Variants in GPC6 observed in about 807,000 individuals in gnomAD.
GPC6 encodes the protein glypican 6, also known as glypican-6.
Under a neutral mutation model 55.2 loss-of-function variants are expected in GPC6, and 14 were observed. The observed-to-expected ratio is 0.25, with a 90% confidence interval of 0.17 to 0.40. The LOEUF is 0.40. Ranked by LOEUF, GPC6 falls within the 10% of genes least tolerant of loss-of-function variation. The pLI, the probability that GPC6 is intolerant of heterozygous loss-of-function variation, is 1.00. For missense variants in GPC6, 641 were observed against 708.5 expected, an observed-to-expected ratio of 0.90 and a Z score of 1.08; for synonymous variants, 278 against 259.6, an observed-to-expected ratio of 1.07 and a Z score of -0.68.
intron 1 of GPC6, among the ~76,000 whole-genome samples, chr13:93,247,080 A>G (rs769907254): frequency 6.6e-6 from 1 of 151,906 alleles, no homozygotes; most frequent in Non-Finnish European, 1.5e-5. Flanking sequence ...AGAAACAACT[A>G]CTGGAAACTA....
chr13:93,336,090 AAAAGTGTTTAACACTGTTTATCAACAGAT>A (rs1435065725), intron 1 of GPC6, among the ~76,000 whole-genome samples: 1 of 152,222 alleles, frequency 6.6e-6, no homozygotes, highest in Non-Finnish European at 1.5e-5. Flanking sequence ...ATCATCATAA[AAAAGTGTTTAACACTGTTTATCAACAGAT>A]AAACTGTTGT....
intron 2 of GPC6, among the ~76,000 whole-genome samples, chr13:93,727,367 C>T (rs1397567268): frequency 2.6e-5 from 4 of 152,102 alleles, no homozygotes; most frequent in Non-Finnish European, 5.9e-5. Context: ...TTTGATTACA[C>T]AATCTCCCCA....
intron 1 of GPC6, among the ~76,000 whole-genome samples, chr13:93,486,955 A>G (rs9524089): frequency 2.7e-5 from 4 of 150,756 alleles, no homozygotes; most frequent in African/African-American, 9.8e-5. Context: ...AAAAAAAAAA[A>G]AACAAAAAAA....
At chr13:94,381,457 G>A (rs1307778172) in intron 6 of GPC6, among the ~76,000 whole-genome samples, 1 of 152,024 alleles carries the variant, frequency 6.6e-6, no homozygotes, top group African/African-American at 2.4e-5. Context: ...TCTTTCCTCT[G>A]TGTGTGTCTG....
At chr13:93,789,845 G>C (rs527377867) in intron 2 of GPC6, among the ~76,000 whole-genome samples, 41 of 150,812 alleles carry the variant, frequency 2.7e-4, no homozygotes, top group African/African-American at 8.3e-4. Flanking sequence ...GTGAGAGTTT[G>C]GGTTGTGATT....
intron 1 of GPC6, among the ~76,000 whole-genome samples, chr13:93,334,148 C>T (rs1009783579): frequency 3.3e-5 from 5 of 152,080 alleles, no homozygotes; most frequent in Admixed American, 6.5e-5. Flanking sequence ...CTGTTCCCTA[C>T]CCATCTGTAA....
At chr13:94,094,192 G>A (rs1394163578) in intron 4 of GPC6, among the ~76,000 whole-genome samples, 2 of 152,042 alleles carry the variant, frequency 1.3e-5, no homozygotes, top group African/African-American at 4.8e-5. Context: ...AACAGCTGAA[G>A]TCTTTCTTCC....
chr13:94,144,394 G>A (rs1887486918), intron 4 of GPC6, among the ~76,000 whole-genome samples: 1 of 132,598 alleles, frequency 7.5e-6, no homozygotes, highest in African/African-American at 2.8e-5. Flanking sequence ...TGCCTCTTAG[G>A]TGCTTTTAAA....
chr13:93,264,908 A>G (rs1356607672), intron 1 of GPC6, among the ~76,000 whole-genome samples: 1 of 152,166 alleles, frequency 6.6e-6, no homozygotes, highest in African/African-American at 2.4e-5. Flanking sequence ...TACCGTATTT[A>G]GAATAGAATA....
intron 2 of GPC6, among the ~76,000 whole-genome samples, chr13:93,746,852 G>A (rs1196054542): frequency 1.3e-5 from 2 of 152,176 alleles, no homozygotes; most frequent in African/African-American, 4.8e-5. Context: ...AATGCTCTGA[G>A]AGCTTTGGAA....
At chr13:94,167,578 G>A (rs1321552051) in intron 4 of GPC6, among the ~76,000 whole-genome samples, 1 of 152,182 alleles carries the variant, frequency 6.6e-6, no homozygotes, top group Non-Finnish European at 1.5e-5. Context: ...ATAGGAGAGA[G>A]TTGAGGACAA....
chr13:94,107,425 G>T (rs771041230), intron 4 of GPC6, among the ~76,000 whole-genome samples: 20 of 151,896 alleles, frequency 1.3e-4, no homozygotes, highest in Admixed American at 2.0e-4. Flanking sequence ...ATTTTCTTCA[G>T]ATATTCACAA....
chr13:93,821,860 A>T (rs990487551), intron 2 of GPC6, among the ~76,000 whole-genome samples: 1 of 152,154 alleles, frequency 6.6e-6, no homozygotes, highest in Non-Finnish European at 1.5e-5. Context: ...CATTTCCTTA[A>T]AGGATAACTA....
upstream of GPC6, among the ~76,000 whole-genome samples, chr13:93,225,439 GA>G (rs764001874): frequency 6.6e-6 from 1 of 151,914 alleles, no homozygotes; most frequent in Non-Finnish European, 1.5e-5. Context: ...AATTTTAAGA[GA>G]AAAAAAGTTA....
chr13:93,684,207 T>C (rs1881957008), intron 2 of GPC6, among the ~76,000 whole-genome samples: 1 of 152,108 alleles, frequency 6.6e-6, no homozygotes, highest in Admixed American at 6.6e-5. Flanking sequence ...TGTTTTGAGA[T>C]GGAATTTTGC....
At chr13:93,702,548 A>C (rs930857359) in intron 2 of GPC6, among the ~76,000 whole-genome samples, 2 of 151,884 alleles carry the variant, frequency 1.3e-5, no homozygotes, top group African/African-American at 2.4e-5. Flanking sequence ...CCAGGCATTG[A>C]TTTTTCCTCT....
intron 6 of GPC6, among the ~76,000 whole-genome samples, chr13:94,377,595 G>T (rs1879942834): frequency 6.7e-6 from 1 of 149,840 alleles, no homozygotes; most frequent in Non-Finnish European, 1.5e-5. Flanking sequence ...TACACTGTTG[G>T]TGGGACTGTA....
intron 1 of GPC6, among the ~76,000 whole-genome samples, chr13:93,326,329 TCTTTA>T (rs1317768578): frequency 6.6e-6 from 1 of 152,188 alleles, no homozygotes; most frequent in Non-Finnish European, 1.5e-5. Context: ...GGCTTGAGAT[TCTTTA>T]CTTATTACTG....
At chr13:94,170,071 A>C (rs774532685) in intron 4 of GPC6, among the ~76,000 whole-genome samples, 2 of 152,146 alleles carry the variant, frequency 1.3e-5, no homozygotes, top group Non-Finnish European at 2.9e-5. Context: ...GAGGCAAGAA[A>C]AGGAAATGCT....
Sources: gnomAD v4.1 joint callset for allele counts (sites outside exome capture counted in the v4.1 genomes callset) on GRCh38, gnomAD v4.1.1 for gene constraint, MANE v1.5 for transcripts, NCBI Gene and HGNC (gene_info 2026-07-23, HGNC 2026-07-21) for gene names.